The following MNAT1 variants were observed in gnomAD, a reference collection of about 807,000 sequenced individuals.
MNAT1 encodes MNAT1 component of CDK activating kinase.
MNAT1 carries 43 observed loss-of-function variants against 42.0 expected under a neutral mutation model. That is an observed-to-expected ratio of 1.02 (90% CI 0.80 to 1.32). The LOEUF (loss-of-function observed/expected upper bound fraction) is 1.32, where lower values mean the gene tolerates loss of function less well. Ranked by LOEUF, MNAT1 falls within the 40% of genes most tolerant of loss-of-function variation. The pLI is 0.00. For missense variants in MNAT1, 306 were observed against 350.4 expected, an observed-to-expected ratio of 0.87 and a Z score of 1.01; for synonymous variants, 118 against 120.0, an observed-to-expected ratio of 0.98 and a Z score of 0.11.
intron 6 of MNAT1, among the ~76,000 whole-genome samples, chr14:60,871,727 A>G (rs2034327797): frequency 6.6e-6 from 1 of 151,924 alleles, no homozygotes; most frequent in Non-Finnish European, 1.5e-5. Context: ...GGTTCAAGCA[A>G]TTCTCCTGCC....
At chr14:60,825,206 A>G (rs1186164015) in intron 6 of MNAT1, among the ~76,000 whole-genome samples, 3 of 152,228 alleles carry the variant, frequency 2.0e-5, no homozygotes, top group Non-Finnish European at 4.4e-5. Flanking sequence ...GATTAAAATC[A>G]CAACACAGCA....
chr14:60,828,927 G>A (rs2033140014), intron 6 of MNAT1, among the ~76,000 whole-genome samples: 1 of 152,160 alleles, frequency 6.6e-6, no homozygotes, highest in African/African-American at 2.4e-5. Flanking sequence ...GAAGGGACGT[G>A]CATCTTCCAT....
chr14:60,918,198 CTTTTTTTTTT>C (rs386381525), intron 7 of MNAT1, among the ~76,000 whole-genome samples: 10 of 48,620 alleles, frequency 2.1e-4, no homozygotes, highest in Admixed American at 8.2e-4. Context: ...ATTAATTGTT[CTTTTTTTTTT>C]TTTTTTTTTT....
At chr14:60,852,733 G>A (rs1378223615) in intron 6 of MNAT1, among the ~76,000 whole-genome samples, 1 of 152,178 alleles carries the variant, frequency 6.6e-6, no homozygotes, top group Non-Finnish European at 1.5e-5. Context: ...TAAGGTGTAA[G>A]GAAGGGGTCC....
At chr14:60,909,184 T>G (rs184458407) in intron 7 of MNAT1, among the ~76,000 whole-genome samples, 87 of 152,346 alleles carry the variant, frequency 5.7e-4, no homozygotes, top group East Asian at 5.6e-3. Context: ...GTTTTTTTCT[T>G]GTAAATTTGT....
intron 7 of MNAT1, among the ~76,000 whole-genome samples, chr14:60,910,455 G>A (rs569628429): frequency 5.9e-5 from 9 of 152,322 alleles, no homozygotes; most frequent in South Asian, 2.1e-4. Flanking sequence ...GATATTGGCT[G>A]TGGGTTTGTC....
intron 6 of MNAT1, among the ~76,000 whole-genome samples, chr14:60,859,817 T>G (rs1265375655): frequency 1.3e-5 from 2 of 152,198 alleles, no homozygotes; most frequent in African/African-American, 2.4e-5. Context: ...CTCTTAAAAC[T>G]CATAGTAGGT....
At chr14:60,876,712 AAT>A (rs557276182) in intron 6 of MNAT1, among the ~76,000 whole-genome samples, 279 of 152,138 alleles carry the variant, frequency 1.8e-3, no homozygotes, top group African/African-American at 6.6e-3. Context: ...CATTTATCAT[AAT>A]ATCTTCAGGT....
chr14:60,808,042 C>A (rs564607253), intron 3 of MNAT1, among the ~76,000 whole-genome samples: 22 of 151,896 alleles, frequency 1.4e-4, no homozygotes, highest in Non-Finnish European at 2.8e-4. Context: ...AGAGAGGGGA[C>A]TATAAAAATC....
chr14:60,809,496 A>T (rs2032478878), intron 4 of MNAT1, among the ~76,000 whole-genome samples: 1 of 152,112 alleles, frequency 6.6e-6, no homozygotes, highest in Non-Finnish European at 1.5e-5. Flanking sequence ...ATACATGCAA[A>T]ATAGGTATGC....
At chr14:60,835,584 C>T in intron 6 of MNAT1, among the ~76,000 whole-genome samples, 1 of 152,150 alleles carries the variant, frequency 6.6e-6, no homozygotes, top group East Asian at 1.9e-4. Context: ...TCTCTTCTGG[C>T]TTGTAGGGTT....
intron 1 of MNAT1, among the ~76,000 whole-genome samples, chr14:60,750,165 C>T (rs1380716017): frequency 6.6e-6 from 1 of 151,832 alleles, no homozygotes; most frequent in East Asian, 1.9e-4. Flanking sequence ...TTTCTGCCCC[C>T]ATTACTTTTA....
chr14:60,912,357 T>C (rs2035390880), intron 7 of MNAT1, among the ~76,000 whole-genome samples: 1 of 152,156 alleles, frequency 6.6e-6, no homozygotes, highest in Non-Finnish European at 1.5e-5. Context: ...AATTTGATCC[T>C]GTCATTATGA....
chr14:60,951,266 CTTTTTTTTTT>C (rs33970682), intron 7 of MNAT1, among the ~76,000 whole-genome samples: 2 of 87,892 alleles, frequency 2.3e-5, no homozygotes, highest in Non-Finnish European at 4.3e-5. Flanking sequence ...CTTCCCCTCC[CTTTTTTTTTT>C]TTTTTTTTTT....
At chr14:60,804,212 A>C (rs1298039825) in intron 3 of MNAT1, among the ~76,000 whole-genome samples, 1 of 152,232 alleles carries the variant, frequency 6.6e-6, no homozygotes, top group Non-Finnish European at 1.5e-5. Flanking sequence ...AGGCAGGTCA[A>C]CATCTAAGCT....
chr14:60,955,793 C>T (rs751943059), intron 7 of MNAT1, among the ~76,000 whole-genome samples: 1 of 151,992 alleles, frequency 6.6e-6, no homozygotes, highest in Non-Finnish European at 1.5e-5. Context: ...CTGAGTTCTC[C>T]AATTTATTGG....
At chr14:60,895,158 T>C (rs901429559) in intron 7 of MNAT1, among the ~76,000 whole-genome samples, 9 of 152,240 alleles carry the variant, frequency 5.9e-5, no homozygotes, top group South Asian at 4.1e-4. Context: ...TATACTTAGA[T>C]ATGTGCCAAA....
chr14:60,901,576 T>C (rs2035073310), intron 7 of MNAT1, among the ~76,000 whole-genome samples: 2 of 152,170 alleles, frequency 1.3e-5, no homozygotes, highest in Non-Finnish European at 2.9e-5. Context: ...CTAGAAGCCA[T>C]TAGGAATATT....
chr14:60,857,652 G>A (rs1220068731), intron 6 of MNAT1, among the ~76,000 whole-genome samples: 1 of 152,052 alleles, frequency 6.6e-6, no homozygotes, highest in Non-Finnish European at 1.5e-5. Context: ...GTATACATGT[G>A]CCATGTTGGT....
Sources: allele counts gnomAD v4.1 joint callset (sites outside exome capture counted in the v4.1 genomes callset), GRCh38; gene constraint gnomAD v4.1.1; transcripts MANE v1.5; gene names NCBI Gene and HGNC (gene_info 2026-07-23, HGNC 2026-07-21).